TBX18: variants seen among roughly 807,000 people sequenced by gnomAD.
TBX18 encodes the protein T-box transcription factor TBX18.
Under a neutral mutation model 55.0 loss-of-function variants are expected in TBX18, and 21 were observed. The observed-to-expected ratio is 0.38, with a 90% confidence interval of 0.27 to 0.55. The LOEUF is 0.55. Among genes scored for constraint, TBX18 ranks in the 20% least tolerant of loss-of-function variants. The probability of loss-of-function intolerance (pLI) is 0.73; values close to 1 mark genes in which losing one functional copy is unlikely to be tolerated. For synonymous variants in TBX18, 342 were observed against 326.1 expected (o/e 1.05, Z -0.53); for missense variants, 840 against 799.6 (o/e 1.05, Z -0.61).
rs752107995 is a variant in TBX18 at position 84,736,648 on chromosome 6, TAGAC to T, written c.*33_*36del. 1.1e-5 allele frequency: 17 copies of T among 1,493,510 alleles called. No individual in the cohort carries two copies. The highest frequency in any genetic ancestry group is 2.4e-5 in the Admixed American group (1 of 41,170). 92.5% of individuals were successfully genotyped at this position (1,493,510 alleles called of 1,614,324 possible). A position where few individuals can be genotyped will look rare whatever the true frequency, so the allele number is the denominator to read the frequency against. On this transcript the variant is annotated 3_prime_UTR_variant, in exon 8 of 8. Transcript: ENST00000369663. ...TTTAAAAAAGAAAAAGAAAATATGT[TAGAC>T]AGATCCAAATGTCATTTAACTTAAA...
chr6:84,751,291 T>C (rs765213653), intron 4 of TBX18, among the ~76,000 whole-genome samples: 8 of 152,226 alleles, frequency 5.3e-5, no homozygotes, highest in Non-Finnish European at 8.8e-5. Flanking sequence ...GATTTCTCCA[T>C]ATAGTTGTAT....
At chr6:84,753,813 C>T (rs565150769) in intron 4 of TBX18, among the ~76,000 whole-genome samples, 3 of 152,284 alleles carry the variant, frequency 2.0e-5, no homozygotes, top group East Asian at 1.9e-4. Flanking sequence ...GGCTGGAATA[C>T]GGTGACACTG....
At chr6:84,754,499 CAGTT>C (rs1166297436) in intron 4 of TBX18, among the ~76,000 whole-genome samples, 1 of 152,166 alleles carries the variant, frequency 6.6e-6, no homozygotes, top group Non-Finnish European at 1.5e-5. Flanking sequence ...AAAATTTCAG[CAGTT>C]AGACAATATA....
In TBX18 at chr6:84,736,862, A is replaced by G. The variant is rs1353972306; in HGVS notation, c.1647T>C (p.Ser549=). ...KLAASPEKIV[S]SQGSFLGSSP... is the part of the protein sequence containing the mutation. ...AGGACCCCAAGAAACTTCCTTGGGA[A>G]GAAACAATTTTCTCAGGACTGGCAG... Residue 549 remains serine (S), a synonymous_variant, in exon 8 of 8, where the codon TCT becomes TCC. Transcript: ENST00000369663. 1 of 1,613,626 alleles carries G rather than the reference A, an allele frequency of 6.2e-7. No individual in the cohort carries two copies. The highest frequency in any genetic ancestry group is 2.2e-5 in the East Asian group (1 of 44,878).
chr6:84,762,076 G>A (rs1164040402), intron 2 of TBX18, among the ~76,000 whole-genome samples: 1 of 151,782 alleles, frequency 6.6e-6, no homozygotes, highest in African/African-American at 2.4e-5. Flanking sequence ...TTCTGATAAA[G>A]AACCAATCTG....
chr6:84,753,362 GGTCT>G (rs2127878170), intron 4 of TBX18, among the ~76,000 whole-genome samples: 1 of 152,018 alleles, frequency 6.6e-6, no homozygotes, highest in East Asian at 1.9e-4. Flanking sequence ...TAAAGTCCCA[GGTCT>G]CTAAGGAGTT....
rs149770046 is a variant in TBX18 at position 84,737,244 on chromosome 6, C to T, written c.1265G>A (p.Arg422His). 4.6e-4 allele frequency: 747 copies of T among 1,607,844 alleles called. 3 individuals are homozygous for T. In the African/African-American group the frequency reaches 8.9e-3, roughly 19 times the overall value. The change falls in exon 8 of 8, where the codon CGC becomes CAC. Residue 422 changes from arginine to histidine, a missense_variant. Physicochemically the swap from Arg to His is conservative, Grantham distance 29 (BLOSUM62 0). Coordinates refer to ENST00000369663, the MANE Select transcript of TBX18 (RefSeq NM_001080508.3). Reference sequence around the variant, plus strand: ...GTATCGGTTGAGGGTGAGGCCTGAGCGGGCACAGGCAGAATAGTCAGCAGG... The same window carrying T: ...GTATCGGTTGAGGGTGAGGCCTGAGTGGGCACAGGCAGAATAGTCAGCAGG... ...LAPADYSACA[R>H]SGLTLNRYST...
At position 84,733,171 on chromosome 6, in the gene TBX18, T is replaced by A. The variant is rs1445756425; in HGVS notation, c.*3514A>T. 1 of 152,226 alleles carries A rather than the reference T, an allele frequency of 6.6e-6. No homozygotes were observed. Among genetic ancestry groups the A allele is most frequent in the African/African-American group, 2.4e-5 (1 of 41,476 alleles). 9.4% of individuals were successfully genotyped at this position (152,226 alleles called of 1,614,324 possible). On this transcript the variant is annotated 3_prime_UTR_variant, in exon 8 of 8. Coordinates refer to ENST00000369663, the MANE Select transcript of TBX18 (RefSeq NM_001080508.3). ...CATGTAGAGGGATACTAAGTTTATA[T>A]ATCTGTTGAATGTTTGTATACTTGA...
intron 3 of TBX18, among the ~76,000 whole-genome samples, chr6:84,758,382 T>C (rs1767552081): frequency 6.9e-6 from 1 of 144,620 alleles, no homozygotes; most frequent in Non-Finnish European, 1.5e-5. Flanking sequence ...TACTCCAGCC[T>C]GGGCAACAGA....
intron 6 of TBX18, among the ~76,000 whole-genome samples, chr6:84,742,711 T>C (rs922592336): frequency 3.3e-5 from 5 of 152,124 alleles, no homozygotes; most frequent in African/African-American, 1.2e-4. Flanking sequence ...AGCCTGAGTA[T>C]TTCTCTCCCG....
At position 84,756,678 on chromosome 6, in the gene TBX18, TAG is replaced by T. The variant is rs1180694149; in HGVS notation, c.771+18_771+19del. 5.0e-6 allele frequency: 8 copies of T among 1,609,210 alleles called. No individual in the cohort carries two copies. Among genetic ancestry groups the T allele is most frequent in the African/African-American group, 1.3e-5 (1 of 74,392 alleles). ...GTGGCTGTGCCATCTACAGATGCAT[TAG>T]AGAGGCCATCTACTCACATGGCCTT... On this transcript the variant is annotated intron_variant, in intron 4 of 7. Transcript: ENST00000369663.
chr6:84,764,102 C>A lies in TBX18; in HGVS notation c.80G>T (p.Gly27Val). Reference sequence around the variant, plus strand: ...CTGAAGCTGTTGCTGCTTCTCGGCGCCGATCAGCGCCTCCACCGAGAAAGC... The same window carrying A: ...CTGAAGCTGTTGCTGCTTCTCGGCGACGATCAGCGCCTCCACCGAGAAAGC... ...AHAFSVEALI[G>V]AEKQQQLQKK... is the part of the protein sequence containing the mutation. The change falls in exon 1 of 8, where the codon GGC (glycine) becomes GTC (valine). Residue 27 changes from glycine to valine, a missense_variant. By Grantham distance (109) the Gly-to-Val change is moderately radical. Coordinates refer to ENST00000369663, the MANE Select transcript of TBX18 (RefSeq NM_001080508.3). The A allele has an allele frequency of 6.3e-7, 1 of 1,586,414 alleles. No individual in the cohort carries two copies. The highest frequency in any genetic ancestry group is 1.7e-5 in the Admixed American group (1 of 58,776).
intron 5 of TBX18, among the ~76,000 whole-genome samples, chr6:84,746,376 A>G (rs1007796716): frequency 4.7e-5 from 7 of 147,836 alleles, no homozygotes; most frequent in Admixed American, 1.4e-4. Context: ...AATACATTAA[A>G]TATATAATTA....
At chr6:84,758,370 T>C (rs1190727587) in intron 3 of TBX18, among the ~76,000 whole-genome samples, 1 of 149,842 alleles carries the variant, frequency 6.7e-6, no homozygotes, top group Admixed American at 6.7e-5. Context: ...ATCACGCCAT[T>C]GTACTCCAGC....
chr6:84,742,128 C>T (rs1192308312), intron 6 of TBX18: 1 of 152,078 alleles, frequency 6.6e-6, no homozygotes, highest in Non-Finnish European at 1.5e-5. Flanking sequence ...TATATAGGCT[C>T]AATGTGCTTT....
chr6:84,758,699 C>A (rs1308019008), intron 3 of TBX18, among the ~76,000 whole-genome samples: 1 of 152,060 alleles, frequency 6.6e-6, no homozygotes, highest in Admixed American at 6.6e-5. Flanking sequence ...GTAATAGGCT[C>A]TAACAAAACC....
Position 84,736,947 on chromosome 6 carries a change from A to G in TBX18, c.1562T>C (p.Phe521Ser). 6.2e-7 allele frequency: 1 copy of G among 1,609,118 alleles called. No homozygotes were observed. The highest frequency in any genetic ancestry group is 1.1e-5 in the South Asian group (1 of 90,414). ...TAGTGCACAGGGGCTGTGTAATCTA[A>G]AAGTATTATAGGAACCCTGATGGGT... is the stretch of plus-strand genomic sequence containing the variant. ...NQTHQGSYNT[F>S]RLHSPCALYG... Residue 521 changes from phenylalanine to serine, a missense_variant, in exon 8 of 8, where the codon TTT (phenylalanine) becomes TCT (serine). Transcript: ENST00000369663.
chr6:84,745,626 G>A (rs1767161896), intron 5 of TBX18, among the ~76,000 whole-genome samples: 1 of 152,048 alleles, frequency 6.6e-6, no homozygotes, highest in African/African-American at 2.4e-5. Context: ...CTGCCACTCT[G>A]TCATTGAAGG....
chr6:84,761,929 T>C (rs1241674498), intron 2 of TBX18, among the ~76,000 whole-genome samples: 1 of 152,244 alleles, frequency 6.6e-6, no homozygotes, highest in Non-Finnish European at 1.5e-5. Context: ...ATAAACAGGA[T>C]GCTTTTTAAA....
Sources: gnomAD v4.1 joint callset for allele counts (sites outside exome capture counted in the v4.1 genomes callset) on GRCh38, gnomAD v4.1.1 for gene constraint, MANE v1.5 for transcripts, NCBI Gene and HGNC (gene_info 2026-07-23, HGNC 2026-07-21) for gene names.